Variants in CPNE4 observed in about 807,000 individuals in gnomAD.
CPNE4 encodes copine-4.
In CPNE4, 25 loss-of-function variants were observed where a neutral mutation model predicts 67.9. The observed-to-expected ratio is 0.37, with a 90% confidence interval of 0.27 to 0.51. CPNE4 has a LOEUF of 0.51. Among genes scored for constraint, CPNE4 ranks in the 20% least tolerant of loss-of-function variants. CPNE4 has a pLI of 0.93. For synonymous variants in CPNE4, 242 were observed against 244.9 expected, an observed-to-expected ratio of 0.99 and a Z score of 0.11; for missense variants, 464 against 690.8, an observed-to-expected ratio of 0.67 and a Z score of 3.68.
intron 2 of CPNE4, among the ~76,000 whole-genome samples, chr3:131,832,474 A>AT (rs775849931): frequency 4.6e-5 from 7 of 152,184 alleles, no homozygotes; most frequent in Non-Finnish European, 8.8e-5. Context: ...TCTCCTGGTG[A>AT]CACACTCAGT....
chr3:131,656,992 C>A (rs1039557736), intron 7 of CPNE4, among the ~76,000 whole-genome samples: 5 of 152,180 alleles, frequency 3.3e-5, no homozygotes, highest in Non-Finnish European at 5.9e-5. Flanking sequence ...TATCCACAAC[C>A]TGAAAACAAG....
chr3:131,562,774 C>A (rs7614649), intron 11 of CPNE4, among the ~76,000 whole-genome samples: 3 of 152,010 alleles, frequency 2.0e-5, no homozygotes, highest in Non-Finnish European at 4.4e-5. Flanking sequence ...TCACCCACTG[C>A]CTGCATTGGG....
chr3:131,835,062 G>A (rs2085503902), intron 2 of CPNE4, among the ~76,000 whole-genome samples: 1 of 152,152 alleles, frequency 6.6e-6, no homozygotes, highest in Non-Finnish European at 1.5e-5. Context: ...AAACACCCTG[G>A]ATACACTTAA....
chr3:132,035,180 C>T, upstream of CPNE4: 1 of 331,720 alleles, frequency 3.0e-6, no homozygotes, highest in Non-Finnish European at 4.3e-6. Flanking sequence ...CGCCCGCAGT[C>T]TGGGCTTTCT....
intron 7 of CPNE4, among the ~76,000 whole-genome samples, chr3:131,613,167 T>C (rs1939946652): frequency 6.6e-6 from 1 of 152,194 alleles, no homozygotes; most frequent in Non-Finnish European, 1.5e-5. Context: ...GGCTGCTAAT[T>C]AGTGAATAGT....
chr3:131,672,220 C>T (rs1582997412), intron 6 of CPNE4, among the ~76,000 whole-genome samples: 2 of 152,120 alleles, frequency 1.3e-5, no homozygotes, highest in African/African-American at 4.8e-5. Context: ...TTTCTTTATT[C>T]ATTCATCTAT....
chr3:131,618,054 G>A (rs144131392), intron 7 of CPNE4, among the ~76,000 whole-genome samples: 109 of 152,240 alleles, frequency 7.2e-4, no homozygotes, highest in Middle Eastern at 3.4e-3. Context: ...TAGTGTGTAT[G>A]GGGAGGTGAG....
intron 1 of CPNE4, 50 bp downstream of exon 1, chr3:132,034,517 C>A: frequency 1.1e-6 from 1 of 925,144 alleles, no homozygotes; most frequent in Non-Finnish European, 1.3e-6. Context: ...ACAGACTTTG[C>A]AATCACAGCG....
At chr3:132,010,775 C>T (rs1295564619) in intron 1 of CPNE4, among the ~76,000 whole-genome samples, 1 of 152,178 alleles carries the variant, frequency 6.6e-6, no homozygotes, top group East Asian at 1.9e-4. Flanking sequence ...TCTGACACCC[C>T]TCCTCCCACT....
intron 7 of CPNE4, among the ~76,000 whole-genome samples, chr3:131,607,144 A>T (rs1245994871): frequency 6.6e-6 from 1 of 151,572 alleles, no homozygotes; most frequent in Non-Finnish European, 1.5e-5. Context: ...TTTTGGGTGG[A>T]TCACTTTCCT....
chr3:131,878,219 C>G (rs941163062), intron 2 of CPNE4, among the ~76,000 whole-genome samples: 14 of 152,124 alleles, frequency 9.2e-5, no homozygotes, highest in Non-Finnish European at 1.8e-4. Context: ...GAAGCAACCC[C>G]TATGTTCATC....
chr3:131,821,794 C>G (rs774996251), intron 2 of CPNE4, among the ~76,000 whole-genome samples: 5 of 152,156 alleles, frequency 3.3e-5, no homozygotes, highest in Non-Finnish European at 5.9e-5. Context: ...TTTTTGTAGT[C>G]TTATGCTGTC....
At chr3:131,794,889 G>GCAGT (rs778179755) in intron 2 of CPNE4, among the ~76,000 whole-genome samples, 3 of 152,158 alleles carry the variant, frequency 2.0e-5, no homozygotes, top group South Asian at 2.1e-4. Flanking sequence ...CCTCACCAAG[G>GCAGT]CAGTCGCCTT....
intron 7 of CPNE4, among the ~76,000 whole-genome samples, chr3:131,641,862 T>C (rs1267614303): frequency 6.6e-6 from 1 of 152,190 alleles, no homozygotes; most frequent in African/African-American, 2.4e-5. Flanking sequence ...CGCAGCAACC[T>C]GGATGGAATT....
intron 7 of CPNE4, among the ~76,000 whole-genome samples, chr3:131,629,995 G>C (rs1157691086): frequency 6.6e-6 from 1 of 151,872 alleles, no homozygotes; most frequent in East Asian, 1.9e-4. Context: ...CCTTCTTCTT[G>C]TGATGATATG....
rs9828720 is a variant in CPNE4 at position 131,767,624 on chromosome 3, C to A, written c.181-43999G>T. The stretch of plus-strand genomic sequence containing the variant: ...TACCTGAAAGGAAAAAAAGCCCCAG[C>A]CACAATTTTTTCCTCTGCTGCTTCA... On this transcript the variant is annotated intron_variant, in intron 2 of 15. Coordinates refer to ENST00000429747, the MANE Select transcript of CPNE4 (RefSeq NM_130808.3). 5.7e-4 allele frequency among the ~76,000 whole-genome samples: 87 copies of A among 151,922 alleles called. 1 individual carries two copies. The East Asian group carries it at 0.012, about 21-fold the overall frequency.
intron 7 of CPNE4, among the ~76,000 whole-genome samples, chr3:131,604,553 C>G (rs1939391914): frequency 6.6e-6 from 1 of 152,018 alleles, no homozygotes; most frequent in South Asian, 2.1e-4. Flanking sequence ...CAGCTGCCAG[C>G]AAATATAAAG....
In CPNE4 at chr3:131,542,825, G is replaced by T. The variant is rs202137334; in HGVS notation, c.1303-32C>A. 6.1e-5 allele frequency: 89 copies of T among 1,454,194 alleles called. 1 individual carries two copies. The highest frequency in any genetic ancestry group is 7.3e-5 in the Non-Finnish European group (76 of 1,038,838). The allele number at this position is 1,454,194 out of a possible 1,614,324, so 90.1% of individuals were successfully genotyped here. ...TCAGATGCCCCATGATGATGGGGGG[G>T]GGTGAAGAGGTGAGGGAGACAAGGA... On this transcript the variant is annotated intron_variant, in intron 14 of 15. Coordinates refer to ENST00000429747, the MANE Select transcript of CPNE4 (RefSeq NM_130808.3).
intron 2 of CPNE4, among the ~76,000 whole-genome samples, chr3:131,854,283 A>G (rs2086352996): frequency 6.6e-6 from 1 of 151,938 alleles, no homozygotes; most frequent in African/African-American, 2.4e-5. Context: ...AAAAAAGAGT[A>G]CATTTACATG....
Sources: gnomAD v4.1 joint callset for allele counts (sites outside exome capture counted in the v4.1 genomes callset) on GRCh38, gnomAD v4.1.1 for gene constraint, MANE v1.5 for transcripts, NCBI Gene and HGNC (gene_info 2026-07-23, HGNC 2026-07-21) for gene names.